The following KCNIP4 variants were observed in gnomAD, a reference collection of about 807,000 sequenced individuals.
KCNIP4 encodes the protein Kv channel-interacting protein 4.
Under a neutral mutation model 34.0 loss-of-function variants are expected in KCNIP4, and 12 were observed. The ratio of observed to expected loss-of-function variants is 0.35; its 90% confidence interval spans 0.23 to 0.57. The LOEUF is 0.57. KCNIP4 is among the 20% of genes least tolerant of loss of function. KCNIP4 has a pLI of 0.83. For synonymous variants in KCNIP4, 124 were observed against 102.2 expected (o/e 1.21, Z -1.29); for missense variants, 238 against 311.7 (o/e 0.76, Z 1.78).
At chr4:21,068,626 T>C (rs1744622291) in intron 1 of KCNIP4, among the ~76,000 whole-genome samples, 1 of 152,178 alleles carries the variant, frequency 6.6e-6, no homozygotes, top group Non-Finnish European at 1.5e-5. Context: ...GTCCTTTTCT[T>C]GTCATTTAGA....
At chr4:21,337,005 G>A (rs939446843) in intron 1 of KCNIP4, among the ~76,000 whole-genome samples, 1 of 151,986 alleles carries the variant, frequency 6.6e-6, no homozygotes, top group Non-Finnish European at 1.5e-5. Context: ...CACCAAGATG[G>A]TATGGATGGA....
intron 3 of KCNIP4, among the ~76,000 whole-genome samples, chr4:20,826,912 C>T (rs569231833): frequency 7.2e-5 from 11 of 152,150 alleles, no homozygotes; most frequent in African/African-American, 2.7e-4. Context: ...AAGCCCCTTC[C>T]TCTTGAATAA....
chr4:21,023,418 A>G (rs1175821377), intron 1 of KCNIP4, among the ~76,000 whole-genome samples: 1 of 152,196 alleles, frequency 6.6e-6, no homozygotes, highest in African/African-American at 2.4e-5. Context: ...TTTGTAAATC[A>G]TTTATCTGAC....
At chr4:20,982,510 G>T (rs1054263201) in intron 1 of KCNIP4, among the ~76,000 whole-genome samples, 1 of 152,160 alleles carries the variant, frequency 6.6e-6, no homozygotes, top group Non-Finnish European at 1.5e-5. Flanking sequence ...AAAGGAAAAA[G>T]AACTAAATTC....
chr4:21,416,056 A>C (rs749696623), intron 1 of KCNIP4, among the ~76,000 whole-genome samples: 1 of 152,252 alleles, frequency 6.6e-6, no homozygotes, highest in Non-Finnish European at 1.5e-5. Context: ...TGGAAGGCAC[A>C]GCCATGTGCA....
intron 1 of KCNIP4, among the ~76,000 whole-genome samples, chr4:21,059,597 T>G (rs1358052234): frequency 3.9e-5 from 6 of 152,094 alleles, no homozygotes; most frequent in Non-Finnish European, 8.8e-5. Flanking sequence ...AATTAGGGCC[T>G]GATTACTGAT....
chr4:21,107,257 A>T (rs1441467190), intron 1 of KCNIP4, among the ~76,000 whole-genome samples: 3 of 144,212 alleles, frequency 2.1e-5, no homozygotes, highest in African/African-American at 8.2e-5. Flanking sequence ...GTCACTCAGG[A>T]CTTGCTTTAT....
At chr4:21,522,990 A>G (rs1735669363) in intron 1 of KCNIP4, among the ~76,000 whole-genome samples, 1 of 151,926 alleles carries the variant, frequency 6.6e-6, no homozygotes, top group South Asian at 2.1e-4. Context: ...GGAGGTGACT[A>G]GATAATGAAG....
intron 1 of KCNIP4, among the ~76,000 whole-genome samples, chr4:21,505,852 C>T (rs982519324): frequency 6.6e-6 from 1 of 152,104 alleles, no homozygotes; most frequent in African/African-American, 2.4e-5. Flanking sequence ...CCTGTAATCC[C>T]AGCACTTTGG....
At chr4:21,070,842 A>AT (rs1231049519) in intron 1 of KCNIP4, among the ~76,000 whole-genome samples, 2 of 151,132 alleles carry the variant, frequency 1.3e-5, no homozygotes, top group African/African-American at 4.9e-5. Flanking sequence ...TGCACGGCTA[A>AT]TTTTTTGTAT....
chr4:21,812,697 C>A (rs1311295687), intron 1 of KCNIP4, among the ~76,000 whole-genome samples: 2 of 152,136 alleles, frequency 1.3e-5, no homozygotes, highest in Admixed American at 6.5e-5. Context: ...TAGCATCACA[C>A]CATATGATAG....
chr4:21,380,049 C>T (rs1347588317), intron 1 of KCNIP4, among the ~76,000 whole-genome samples: 1 of 152,018 alleles, frequency 6.6e-6, no homozygotes, highest in Non-Finnish European at 1.5e-5. Context: ...ACCATAGTTG[C>T]TATTGGTGAT....
intron 3 of KCNIP4, among the ~76,000 whole-genome samples, chr4:20,809,476 C>T (rs1315954948): frequency 6.6e-6 from 1 of 152,104 alleles, no homozygotes; most frequent in African/African-American, 2.4e-5. Flanking sequence ...ATGTCGCATT[C>T]AGGAGTTTCT....
chr4:21,308,363 G>C (rs541461242), intron 1 of KCNIP4, among the ~76,000 whole-genome samples: 60 of 152,300 alleles, frequency 3.9e-4, no homozygotes, highest in African/African-American at 1.4e-3. Flanking sequence ...ACGTTTTCAA[G>C]CAGTGGGCCT....
chr4:21,881,439 A>C (rs1028939799), intron 1 of KCNIP4, among the ~76,000 whole-genome samples: 1 of 152,162 alleles, frequency 6.6e-6, no homozygotes, highest in Non-Finnish European at 1.5e-5. Context: ...CAATCAATAA[A>C]CTTATGATGA....
chr4:20,871,220 C>T (rs1177867751), intron 2 of KCNIP4, among the ~76,000 whole-genome samples: 1 of 152,040 alleles, frequency 6.6e-6, no homozygotes, highest in Non-Finnish European at 1.5e-5. Context: ...AATTCTCTCT[C>T]CCATGGGCCT....
intron 1 of KCNIP4, among the ~76,000 whole-genome samples, chr4:21,166,190 T>C (rs1753616035): frequency 6.6e-6 from 1 of 152,178 alleles, no homozygotes; most frequent in Non-Finnish European, 1.5e-5. Context: ...ACTTAGAATA[T>C]GTGAAGTGCT....
intron 1 of KCNIP4, among the ~76,000 whole-genome samples, chr4:21,503,259 C>T (rs1198012417): frequency 1.3e-5 from 2 of 152,086 alleles, no homozygotes; most frequent in African/African-American, 4.8e-5. Context: ...TCTCTTTTGC[C>T]AAATTCTCCT....
chr4:21,272,766 A>C (rs1390761270), intron 1 of KCNIP4, among the ~76,000 whole-genome samples: 1 of 148,048 alleles, frequency 6.8e-6, no homozygotes, highest in Non-Finnish European at 1.5e-5. Context: ...TGACTGGTAC[A>C]TATAAATATT....
Sources: gnomAD v4.1 joint callset for allele counts (sites outside exome capture counted in the v4.1 genomes callset) on GRCh38, gnomAD v4.1.1 for gene constraint, MANE v1.5 for transcripts, NCBI Gene and HGNC (gene_info 2026-07-23, HGNC 2026-07-21) for gene names.